The following PCDHA9 variants were observed in gnomAD, a reference collection of about 807,000 sequenced individuals.
PCDHA9 encodes protocadherin alpha 9, also known as protocadherin alpha-9.
In PCDHA9, 62 loss-of-function variants were observed where a neutral mutation model predicts 62.0. The ratio of observed to expected loss-of-function variants is 1.00; its 90% confidence interval spans 0.81 to 1.23. PCDHA9 has a LOEUF of 1.23. Ranked by LOEUF, PCDHA9 falls within the 50% of genes most tolerant of loss-of-function variation. PCDHA9 has a pLI of 0.00. For synonymous variants in PCDHA9, 557 were observed against 567.6 expected (o/e 0.98, Z 0.27); for missense variants, 1,205 against 1,249.8 (o/e 0.96, Z 0.54).
chr5:140,927,896 A>G (rs571131956), intron 1 of PCDHA9: 1 of 1,614,200 alleles, frequency 6.2e-7, no homozygotes, highest in African/African-American at 1.3e-5. Context: ...GACGTGAACG[A>G]TCATGCCCCC....
chr5:140,967,838 G>A, intron 1 of PCDHA9: 1 of 1,614,124 alleles, frequency 6.2e-7, no homozygotes, highest in Non-Finnish European at 8.5e-7. Flanking sequence ...CATCGTGGAC[G>A]TGAATGACAA....
intron 1 of PCDHA9, among the ~76,000 whole-genome samples, chr5:140,937,697 G>A (rs2091687536): frequency 6.6e-6 from 1 of 151,910 alleles, no homozygotes; most frequent in Non-Finnish European, 1.5e-5. Flanking sequence ...CGGATCACGA[G>A]GTCAGGAGAT....
intron 1 of PCDHA9, among the ~76,000 whole-genome samples, chr5:140,871,794 ATTACTATT>A (rs1415079404): frequency 2.2e-4 from 33 of 152,228 alleles, no homozygotes; most frequent in African/African-American, 7.7e-4. Flanking sequence ...AGTAGAAATA[ATTACTATT>A]TTCACTAAAG....
chr5:140,884,371 C>T, intron 1 of PCDHA9: 2 of 1,613,948 alleles, frequency 1.2e-6, no homozygotes, highest in Non-Finnish European at 1.7e-6. Flanking sequence ...TTTACTTGAT[C>T]ATTGCCATCT....
chr5:140,902,798 T>C (rs1554190660), intron 1 of PCDHA9, among the ~76,000 whole-genome samples: 1 of 152,156 alleles, frequency 6.6e-6, no homozygotes, highest in Admixed American at 6.5e-5. Context: ...CACTTGTATG[T>C]GAGAATATAC....
At chr5:140,955,130 T>A (rs1173088504) in intron 1 of PCDHA9, among the ~76,000 whole-genome samples, 1 of 152,228 alleles carries the variant, frequency 6.6e-6, no homozygotes, top group African/African-American at 2.4e-5. Context: ...TCCACTGGTC[T>A]ACACGTCTGT....
At chr5:140,920,616 C>A (rs929240808) in intron 1 of PCDHA9, among the ~76,000 whole-genome samples, 1 of 152,012 alleles carries the variant, frequency 6.6e-6, no homozygotes, top group African/African-American at 2.4e-5. Flanking sequence ...GAGGCCGAGG[C>A]GGATGGATCA....
chr5:140,857,319 T>A, intron 1 of PCDHA9: 3 of 1,598,650 alleles, frequency 1.9e-6, no homozygotes, highest in Non-Finnish European at 2.6e-6. Flanking sequence ...GAGCTGGTGG[T>A]GACCGCGCGG....
chr5:140,892,595 AT>A (rs1385818954), intron 1 of PCDHA9, among the ~76,000 whole-genome samples: 1 of 151,958 alleles, frequency 6.6e-6, no homozygotes, highest in African/African-American at 2.4e-5. Flanking sequence ...TCATTCACCT[AT>A]TTTTTTCCTT....
At chr5:140,980,094 TA>T (rs1554241421) in intron 2 of PCDHA9, among the ~76,000 whole-genome samples, 1 of 152,218 alleles carries the variant, frequency 6.6e-6, no homozygotes, top group African/African-American at 2.4e-5. Context: ...GTTGGCTTGG[TA>T]AGATGTCACA....
At chr5:140,889,213 G>A (rs1463412254) in intron 1 of PCDHA9, among the ~76,000 whole-genome samples, 1 of 151,602 alleles carries the variant, frequency 6.6e-6, no homozygotes, top group African/African-American at 2.4e-5. Context: ...TAACAAAGAA[G>A]AATAGTCTTT....
In PCDHA9 at chr5:140,941,217, T is replaced by TTC. The variant is rs1483555953; in HGVS notation, c.2395-37730_2395-37729dup. Among the ~76,000 whole-genome samples, 308 of 126,180 alleles carry TTC rather than the reference T, an allele frequency of 2.4e-3. 1 individual carries two copies. Among genetic ancestry groups the TTC allele is most frequent in the African/African-American group, 9.4e-3 (294 of 31,220 alleles). The allele number at this position is 126,180 out of a possible 152,430, so 82.8% of individuals were successfully genotyped here. On this transcript the variant is annotated intron_variant, in intron 1 of 3. Coordinates refer to ENST00000532602, the MANE Select transcript of PCDHA9 (RefSeq NM_031857.2). ...TTTCTTTCTTCCTTTCTTTCTTCCT[T>TTC]TCTTTCTTTCTTTCTTTCTTTCTTT...
Position 140,969,610 on chromosome 5 carries a change from G to A in PCDHA9, c.2395-9339G>A, listed in dbSNP as rs1468528731. 9 of 723,424 alleles carry A rather than the reference G, an allele frequency of 1.2e-5. No individual in the cohort carries two copies. In the African/African-American group the frequency reaches 1.4e-4, roughly 11 times the overall value. The allele number at this position is 723,424 out of a possible 1,614,324, so 44.8% of individuals were successfully genotyped here. On this transcript the variant is annotated intron_variant, in intron 1 of 3. Transcript: ENST00000532602. ...TCTTAATATTTAATGCTAAAACACA[G>A]ATTTGTAGAGAAACAGGACAGGCCT...
chr5:141,004,486 C>CT (rs2098167953), intron 3 of PCDHA9, among the ~76,000 whole-genome samples: 2 of 152,200 alleles, frequency 1.3e-5, no homozygotes, highest in South Asian at 4.1e-4. Flanking sequence ...TGGATTAACT[C>CT]TTGGCAGTCC....
intron 3 of PCDHA9, among the ~76,000 whole-genome samples, chr5:140,999,702 T>A (rs78322991): frequency 6.6e-6 from 1 of 152,136 alleles, no homozygotes; most frequent in South Asian, 2.1e-4. Context: ...GATTTTTTTT[T>A]AGCTAACTAC....
intron 2 of PCDHA9, among the ~76,000 whole-genome samples, chr5:140,981,204 A>G (rs782466772): frequency 2.6e-5 from 4 of 152,218 alleles, no homozygotes; most frequent in Non-Finnish European, 5.9e-5. Context: ...CTGTTGCCTC[A>G]TATAACCCCT....
chr5:140,909,585 T>C (rs1554193854), intron 1 of PCDHA9, among the ~76,000 whole-genome samples: 1 of 152,180 alleles, frequency 6.6e-6, no homozygotes, highest in Non-Finnish European at 1.5e-5. Context: ...GATATGTTTT[T>C]TGATTTACTA....
rs782257919 is a variant in PCDHA9, at chr5:140,853,730, T to C, written c.2394+2841T>C. 84 of 988,668 alleles carry C rather than the reference T, an allele frequency of 8.5e-5. 8 individuals carry two copies. Among genetic ancestry groups the C allele is most frequent in the African/African-American group, 5.6e-4 (32 of 56,686 alleles). The allele number at this position is 988,668 out of a possible 1,614,324, so 61.2% of individuals were successfully genotyped here. A position where few individuals can be genotyped will look rare whatever the true frequency, so the allele number is the denominator to read the frequency against. ...AGCATTAGCAGCACCTAAGTCCTCA[T>C]TGAATGTTCTGGTTCAAGGCTCCAC... On this transcript the variant is annotated intron_variant, in intron 1 of 3. Coordinates refer to ENST00000532602, the MANE Select transcript of PCDHA9 (RefSeq NM_031857.2).
chr5:140,870,345 C>T (rs782253040), intron 1 of PCDHA9: 7 of 1,614,066 alleles, frequency 4.3e-6, no homozygotes, highest in South Asian at 2.2e-5. Flanking sequence ...CCCTGGACCG[C>T]GAGAACGTGT....
Sources: gnomAD v4.1 joint callset for allele counts (sites outside exome capture counted in the v4.1 genomes callset) on GRCh38, gnomAD v4.1.1 for gene constraint, MANE v1.5 for transcripts, NCBI Gene and HGNC (gene_info 2026-07-23, HGNC 2026-07-21) for gene names.